The following ZHX3 variants were observed in gnomAD, a reference collection of about 807,000 sequenced individuals.
ZHX3 encodes zinc fingers and homeoboxes protein 3.
ZHX3 carries 20 observed loss-of-function variants against 64.5 expected under a neutral mutation model. That is an observed-to-expected ratio of 0.31 (90% CI 0.22 to 0.45). ZHX3 has a LOEUF of 0.45. ZHX3 is among the 20% of genes least tolerant of loss of function. ZHX3 has a pLI of 1.00. For missense variants in ZHX3, 1,041 were observed against 1,195.8 expected (o/e 0.87, Z 1.91); for synonymous variants, 423 against 461.6 (o/e 0.92, Z 1.07).
chr20:41,236,376 C>G (rs930242704), intron 2 of ZHX3, among the ~76,000 whole-genome samples: 6 of 152,156 alleles, frequency 3.9e-5, no homozygotes, highest in Non-Finnish European at 8.8e-5. Context: ...AACTATACTA[C>G]AAGGCTACAG....
At chr20:41,207,699 G>A (rs2038833576) in intron 2 of ZHX3, among the ~76,000 whole-genome samples, 1 of 152,252 alleles carries the variant, frequency 6.6e-6, no homozygotes, top group African/African-American at 2.4e-5. Context: ...AAAGCAGTGT[G>A]TAGAGGGAAA....
chr20:41,307,911 A>C (rs745351536), intron 1 of ZHX3, among the ~76,000 whole-genome samples: 7 of 152,160 alleles, frequency 4.6e-5, no homozygotes, highest in Non-Finnish European at 7.3e-5. Flanking sequence ...ATGCACCTCG[A>C]CTTTTTAAAA....
chr20:41,202,363 C>G lies in ZHX3; in HGVS notation c.2554G>C (p.Asp852His). 2 of 1,614,176 alleles carry G rather than the reference C, an allele frequency of 1.2e-6. No homozygotes were observed. ...AGCATCTTGTGTGTCATGTAATAGT[C>G]CTGCAGGAGCTCCCGGTTGCCAGGG... Reference protein sequence around the residue: ...IAPGNRELLQDYYMTHKMLYE... With the variant: ...IAPGNRELLQHYYMTHKMLYE... The change falls in exon 3 of 4, where the codon GAC (aspartate) becomes CAC (histidine). Residue 852 changes from aspartate to histidine, a missense_variant. Coordinates refer to ENST00000683867, the MANE Select transcript of ZHX3 (RefSeq NM_001384317.1). This position sits in a 1 kb window ranked among gnomAD's most constrained non-coding sequence, Gnocchi z 7.0.
intron 1 of ZHX3, among the ~76,000 whole-genome samples, chr20:41,286,927 G>A (rs574317075): frequency 7.0e-6 from 1 of 142,494 alleles, no homozygotes; most frequent in Non-Finnish European, 1.5e-5. Context: ...TCTCTCTCCT[G>A]CCACCTTGTG....
chr20:41,227,460 C>T (rs1342014004), intron 2 of ZHX3, among the ~76,000 whole-genome samples: 1 of 152,190 alleles, frequency 6.6e-6, no homozygotes, highest in South Asian at 2.1e-4. Flanking sequence ...TCTCCCTATT[C>T]GCATCTCAGC....
At chr20:41,230,625 C>A (rs2040546321) in intron 2 of ZHX3, among the ~76,000 whole-genome samples, 1 of 152,130 alleles carries the variant, frequency 6.6e-6, no homozygotes, top group Non-Finnish European at 1.5e-5. Context: ...ACTTTTATAT[C>A]AATTACATGT....
At chr20:41,311,045 T>C (rs2045119762) in intron 1 of ZHX3, among the ~76,000 whole-genome samples, 1 of 152,140 alleles carries the variant, frequency 6.6e-6, no homozygotes. Context: ...CTTAACCTCG[T>C]GATCCGCCCG....
chr20:41,185,130 C>T lies in ZHX3; in HGVS notation c.*61G>A, dbSNP rs1461253231. The T allele has an allele frequency of 1.9e-6, 3 of 1,589,868 alleles. No individual in the cohort carries two copies. The highest frequency in any genetic ancestry group is 1.7e-6 in the Non-Finnish European group (2 of 1,166,666). ...TGTGGCAGCAGAGAGTCGGGTTTGG[C>T]TCTTCCACGTGGCAGGCGGTTTCCC... On this transcript the variant is annotated 3_prime_UTR_variant, in exon 4 of 4. Transcript: ENST00000683867. The surrounding 1 kb of genome is among the most constrained non-coding windows in gnomAD (Gnocchi z 5.0).
At chr20:41,275,882 A>C (rs1306985308) in intron 1 of ZHX3, among the ~76,000 whole-genome samples, 1 of 152,238 alleles carries the variant, frequency 6.6e-6, no homozygotes, top group African/African-American at 2.4e-5. Flanking sequence ...CTCTGTGTGA[A>C]GATTCAGAGG....
intron 3 of ZHX3, among the ~76,000 whole-genome samples, chr20:41,194,077 T>G (rs2037282016): frequency 6.6e-6 from 1 of 152,122 alleles, no homozygotes; most frequent in Admixed American, 6.6e-5. Context: ...TGGATCCTTT[T>G]ATTTATTTTT....
At chr20:41,244,043 C>T (rs942733780) in intron 2 of ZHX3, among the ~76,000 whole-genome samples, 1 of 152,016 alleles carries the variant, frequency 6.6e-6, no homozygotes, top group Non-Finnish European at 1.5e-5. Flanking sequence ...CTAGATAATC[C>T]TATGTGCTGG....
chr20:41,257,027 A>G (rs2042294405), intron 2 of ZHX3, among the ~76,000 whole-genome samples: 3 of 152,124 alleles, frequency 2.0e-5, no homozygotes, highest in South Asian at 2.1e-4. Flanking sequence ...GAGAACATGC[A>G]TAAACCTCTA....
chr20:41,191,131 CTCTT>C (rs1361187619), intron 3 of ZHX3, among the ~76,000 whole-genome samples: 2 of 152,184 alleles, frequency 1.3e-5, no homozygotes, highest in Non-Finnish European at 2.9e-5. Flanking sequence ...GGTTTTCTCA[CTCTT>C]TCATTTTCTC....
chr20:41,296,882 A>G (rs1438989789), intron 1 of ZHX3, among the ~76,000 whole-genome samples: 2 of 152,204 alleles, frequency 1.3e-5, no homozygotes, highest in African/African-American at 4.8e-5. Flanking sequence ...GACACTTGAT[A>G]ATGACAATCT....
intron 1 of ZHX3, among the ~76,000 whole-genome samples, chr20:41,312,429 T>G (rs2045167877): frequency 6.6e-6 from 1 of 152,212 alleles, no homozygotes; most frequent in Admixed American, 6.5e-5. Flanking sequence ...TGCTACTCAC[T>G]CTTTAGGTCC....
intron 2 of ZHX3, among the ~76,000 whole-genome samples, chr20:41,241,123 G>C (rs1465421671): frequency 6.6e-6 from 1 of 152,144 alleles, no homozygotes; most frequent in South Asian, 2.1e-4. Context: ...TACATTCCCA[G>C]CAACAGTGTA....
chr20:41,182,500 CTG>C lies in ZHX3; in HGVS notation c.*2689_*2690del, dbSNP rs2036285899. On this transcript the variant is annotated 3_prime_UTR_variant, in exon 4 of 4. Coordinates refer to ENST00000683867, the MANE Select transcript of ZHX3 (RefSeq NM_001384317.1). This position sits in a 1 kb window ranked among gnomAD's most constrained non-coding sequence, Gnocchi z 6.1. ...CCACTGGGCTAGTGTGGGTGTGTCT[CTG>C]TGCACGACTGGCTGGATTCAGGGTT... The C allele has an allele frequency of 6.6e-6, 1 of 152,294 alleles. No individual in the cohort carries two copies. The highest frequency in any genetic ancestry group is 1.5e-5 in the Non-Finnish European group (1 of 68,074). 9.4% of individuals were successfully genotyped at this position (152,294 alleles called of 1,614,324 possible). A position where few individuals can be genotyped will look rare whatever the true frequency, so the allele number is the denominator to read the frequency against.
At chr20:41,299,287 A>C (rs1176968110) in intron 1 of ZHX3, among the ~76,000 whole-genome samples, 1 of 152,228 alleles carries the variant, frequency 6.6e-6, no homozygotes, top group Non-Finnish European at 1.5e-5. Flanking sequence ...TAATCAGCCC[A>C]ACACTATATC....
At chr20:41,244,870 C>T (rs1210329981) in intron 2 of ZHX3, among the ~76,000 whole-genome samples, 1 of 152,154 alleles carries the variant, frequency 6.6e-6, no homozygotes, top group Admixed American at 6.5e-5. Context: ...TATTCCCTCA[C>T]CTCTCACCCT....
Sources: gnomAD v4.1 joint callset for allele counts (sites outside exome capture counted in the v4.1 genomes callset) on GRCh38, gnomAD v4.1.1 for gene constraint, Gnocchi (gnomAD v3.1) non-coding constraint, MANE v1.5 for transcripts, NCBI Gene and HGNC (gene_info 2026-07-23, HGNC 2026-07-21) for gene names.